Variants in ZNF263 observed in about 807,000 individuals in gnomAD.
ZNF263 encodes the protein zinc finger protein 263.
Under a neutral mutation model 63.1 loss-of-function variants are expected in ZNF263, and 49 were observed. That is an observed-to-expected ratio of 0.78 (90% CI 0.62 to 0.99). ZNF263 has a LOEUF of 0.99. ZNF263 is among the 50% of genes least tolerant of loss of function. ZNF263 has a pLI of 0.00. For missense variants in ZNF263, 872 were observed against 854.8 expected (o/e 1.02, Z -0.25); for synonymous variants, 352 against 324.2 (o/e 1.09, Z -0.92).
At position 3,284,243 on chromosome 16, in the gene ZNF263, T is replaced by A. The variant is rs559715834; in HGVS notation, c.387+38T>A. Reference sequence around the variant, plus strand: ...GAGAGCTGTTTTATCTGTGGTTTGTTTAGCCCTGAGCACTGGGACATTGCG... The same window carrying A: ...GAGAGCTGTTTTATCTGTGGTTTGTATAGCCCTGAGCACTGGGACATTGCG... On this transcript the variant is annotated intron_variant, in intron 1 of 5. Transcript: ENST00000219069. 3.3e-6 allele frequency: 5 copies of A among 1,498,486 alleles called. 1 individual carries two copies. The South Asian group carries it at 6.8e-5, about 21-fold the overall frequency. The allele number at this position is 1,498,486 out of a possible 1,614,324, so 92.8% of individuals were successfully genotyped here.
At chr16:3,298,846 T>C (rs1959843012) in intron 1 of ZNF263, 1 of 412,278 alleles carries the variant, frequency 2.4e-6, no homozygotes, top group African/African-American at 2.0e-5. Context: ...TTTCAAACTG[T>C]AAATTTTATA....
At chr16:3,294,672 C>A (rs1443180615), downstream of ZNF263, among the ~76,000 whole-genome samples, 1 of 151,988 alleles carries the variant, frequency 6.6e-6, no homozygotes, top group African/African-American at 2.4e-5. Flanking sequence ...AGGTTAAGTT[C>A]AACAACGACA....
chr16:3,287,821 G>A (rs1959434769), intron 4 of ZNF263, among the ~76,000 whole-genome samples: 1 of 151,794 alleles, frequency 6.6e-6, no homozygotes, highest in African/African-American at 2.4e-5. Flanking sequence ...GTATTTATAT[G>A]TAGAGACAAG....
Position 3,283,774 on chromosome 16 carries a change from G to C in ZNF263, c.-45G>C, listed in dbSNP as rs752367668. 1 of 1,498,408 alleles carries C rather than the reference G, an allele frequency of 6.7e-7. No individual in the cohort carries two copies. The highest frequency in any genetic ancestry group is 1.4e-5 in the African/African-American group (1 of 71,568). 92.8% of individuals were successfully genotyped at this position (1,498,408 alleles called of 1,614,324 possible). A position where few individuals can be genotyped will look rare whatever the true frequency, so the allele number is the denominator to read the frequency against. On this transcript the variant is annotated 5_prime_UTR_variant, in exon 1 of 6. Coordinates refer to ENST00000219069, the MANE Select transcript of ZNF263 (RefSeq NM_005741.5). ...ACATGGGTTCAGGGCGCCTTCGTAG[G>C]CGGGCACGGCTGGTTTCGGGCTAAG...
At chr16:3,293,363 C>G (rs1226336015), downstream of ZNF263, 1 of 152,264 alleles carries the variant, frequency 6.6e-6, no homozygotes, top group Non-Finnish European at 1.5e-5. Context: ...GCCTCCCCAG[C>G]CACACAGAAC....
rs185294194 is a variant in ZNF263 at position 3,299,647 on chromosome 16, G to C, written c.*46+491G>C. The C allele has an allele frequency of 3.0e-4, 463 of 1,562,210 alleles. 5 individuals carry two copies. The East Asian group carries it at 9.3e-3, about 31-fold the overall frequency. ...ATTCATTGGTTGAATCAAGGTTGAA[G>C]TGTTATGGGGGAAGAACATACATTT... On this transcript the variant is annotated intron_variant, in intron 2 of 2. Transcript: ENST00000574674.
At chr16:3,289,328 A>G in intron 5 of ZNF263, 65 bp from the exon 6 acceptor site, 1 of 1,477,978 alleles carries the variant, frequency 6.8e-7, no homozygotes, top group South Asian at 1.5e-5. Flanking sequence ...AGCGGCAGAC[A>G]GGTGGGATTT....
In ZNF263 at chr16:3,299,579, G is replaced by C. The variant is rs372267343; in HGVS notation, c.*46+423G>C. 5 of 1,539,634 alleles carry C rather than the reference G, an allele frequency of 3.2e-6. No individual in the cohort carries two copies. The African/African-American group carries it at 7.0e-5, about 21-fold the overall frequency. ...AATATTACAAGACTCTCTTCAAGTT[G>C]CTTCCATCTATACAGCCGTTTGCAG... On this transcript the variant is annotated intron_variant, in intron 2 of 2. Coordinates refer to the ZNF263 transcript ENST00000574674.
Position 3,285,159 on chromosome 16 carries a change from C to T in ZNF263, c.488C>T (p.Thr163Ile). Residue 163 changes from threonine (T) to isoleucine (I), a missense_variant, in exon 2 of 6, where the codon ACT becomes ATT. Physicochemically the swap from Thr to Ile is moderately conservative, Grantham distance 89 (BLOSUM62 -1). Transcript: ENST00000219069. Reference protein sequence around the residue: ...SPSFKLEPMETERSPGPRLQE... With the variant: ...SPSFKLEPMEIERSPGPRLQE... ...AGCTTCAAGCTGGAGCCAATGGAGA[C>T]TGAGCGAAGCCCTGGCCCCAGGCTG... 6.2e-7 allele frequency: 1 copy of T among 1,614,132 alleles called. No individual in the cohort carries two copies. Among genetic ancestry groups the T allele is most frequent in the East Asian group, 2.2e-5 (1 of 44,874 alleles).
At chr16:3,299,437 A>G (rs1325134406) in intron 2 of ZNF263, 1 of 1,561,294 alleles carries the variant, frequency 6.4e-7, no homozygotes. Flanking sequence ...TGCTATGGTT[A>G]TTTGTTTTAC....
chr16:3,296,654 T>C (rs1489977871), intron 1 of ZNF263, among the ~76,000 whole-genome samples: 1 of 152,250 alleles, frequency 6.6e-6, no homozygotes, highest in African/African-American at 2.4e-5. Context: ...AATGTTGATA[T>C]ATTTTTTCTA....
chr16:3,291,233 G>A lies in ZNF263; in HGVS notation c.*675G>A. On this transcript the variant is annotated 3_prime_UTR_variant, in exon 6 of 6. Transcript: ENST00000219069. ...GCAGGTCAGCCCAGGAATTGGCAGA[G>A]GAAGTAGGTGTCTGATAACCCTTTG... 1 of 985,572 alleles carries A rather than the reference G, an allele frequency of 1.0e-6. No individual in the cohort carries two copies. The highest frequency in any genetic ancestry group is 1.2e-6 in the Non-Finnish European group (1 of 830,054). The allele number at this position is 985,572 out of a possible 1,614,324, so 61.1% of individuals were successfully genotyped here.
chr16:3,290,567 G>A lies in ZNF263; in HGVS notation c.*9G>A. 1 of 1,593,090 alleles carries A rather than the reference G, an allele frequency of 6.3e-7. No homozygotes were observed. Among genetic ancestry groups the A allele is most frequent in the East Asian group, 2.2e-5 (1 of 44,722 alleles). On this transcript the variant is annotated 3_prime_UTR_variant, in exon 6 of 6. Coordinates refer to ENST00000219069, the MANE Select transcript of ZNF263 (RefSeq NM_005741.5). ...GAACTCACACAGGTTAGTAACAGTG[G>A]GGTTTCTCTTTGCCCCAGGTGAGGT...
intron 2 of ZNF263, chr16:3,299,343 A>T (rs1232577687): frequency 6.3e-7 from 1 of 1,591,490 alleles, no homozygotes; most frequent in African/African-American, 1.4e-5. Context: ...CACATTTTTC[A>T]AGAATTTCTC....
intron 2 of ZNF263, 77 bp downstream of exon 2, chr16:3,285,316 A>T (rs1025716620): frequency 6.9e-7 from 1 of 1,443,676 alleles, no homozygotes; most frequent in Non-Finnish European, 9.4e-7. Context: ...GGATGTAGCA[A>T]TGATGCGAAG....
chr16:3,289,965 G>A lies in ZNF263; in HGVS notation c.1459G>A (p.Glu487Lys), dbSNP rs1435668881. 1 of 1,614,136 alleles carries A rather than the reference G, an allele frequency of 6.2e-7. No homozygotes were observed. ...LHRHQRTHTG[E>K]KPYKCPECGE... Reference sequence around the variant, plus strand: ...CAGGCACCAGAGAACGCACACTGGGGAGAAGCCCTACAAGTGCCCTGAGTG... The same window carrying A: ...CAGGCACCAGAGAACGCACACTGGGAAGAAGCCCTACAAGTGCCCTGAGTG... The change falls in exon 6 of 6, where the codon GAG (glutamate) becomes AAG (lysine). Residue 487 changes from glutamate to lysine, a missense_variant. Glu to Lys is a moderately conservative substitution (Grantham distance 56, BLOSUM62 1). Coordinates refer to ENST00000219069, the MANE Select transcript of ZNF263 (RefSeq NM_005741.5).
intron 2 of ZNF263, chr16:3,299,668 C>T: frequency 1.3e-6 from 2 of 1,549,250 alleles, no homozygotes; most frequent in Non-Finnish European, 8.7e-7. Context: ...GAAGAACATA[C>T]ATTTTATTCG....
At position 3,289,635 on chromosome 16, in the gene ZNF263, C is replaced by T. The variant is rs745472045; in HGVS notation, c.1129C>T (p.Leu377Phe). Reference sequence around the variant, plus strand: ...ACCGAAGGAACTGCAGCCAAAGAAACTCCATTTATGTCCCTTGTGTGGCAA... The same window carrying T: ...ACCGAAGGAACTGCAGCCAAAGAAATTCCATTTATGTCCCTTGTGTGGCAA... ...GRPKELQPKK[L>F]HLCPLCGKNF... Residue 377 changes from leucine to phenylalanine, a missense_variant, in exon 6 of 6, where the codon CTC becomes TTC. Transcript: ENST00000219069. 2 of 1,614,100 alleles carry T rather than the reference C, an allele frequency of 1.2e-6. No individual in the cohort carries two copies. Among genetic ancestry groups the T allele is most frequent in the Non-Finnish European group, 1.7e-6 (2 of 1,180,054 alleles).
At chr16:3,285,867 C>G (rs570561039) in intron 3 of ZNF263, 113 bp downstream of exon 3, 22 of 1,518,916 alleles carry the variant, frequency 1.4e-5, no homozygotes, top group South Asian at 2.3e-5. Flanking sequence ...GTCTCCCCCA[C>G]TGCTTTGTCT....
Sources: gnomAD v4.1 joint callset for allele counts (sites outside exome capture counted in the v4.1 genomes callset) on GRCh38, gnomAD v4.1.1 for gene constraint, MANE v1.5 for transcripts, NCBI Gene and HGNC (gene_info 2026-07-23, HGNC 2026-07-21) for gene names.